The following NOS2 variants were observed in gnomAD, a reference collection of about 807,000 sequenced individuals.
NOS2 encodes the protein nitric oxide synthase 2, also known as nitric oxide synthase, inducible.
A neutral mutation model predicts 136.0 loss-of-function variants in NOS2; 96 were observed. The ratio of observed to expected loss-of-function variants is 0.71; its 90% CI spans 0.60 to 0.84. NOS2 has a LOEUF of 0.84. NOS2 is among the 40% of genes least tolerant of loss of function. The pLI, the probability that NOS2 is intolerant of heterozygous loss-of-function variation, is 0.00. For synonymous variants in NOS2, 539 were observed against 587.5 expected (o/e 0.92, Z 1.20); for missense variants, 1,237 against 1,496.9 (o/e 0.83, Z 2.87).
At position 27,778,950 on chromosome 17, in the gene NOS2, C is replaced by T. The variant is rs1908751866; in HGVS notation, c.1111G>A (p.Gly371Ser). ...GLEFPGCPFN[G>S]WYMGTEIGVR... ...CCGATCTCTGTGCCCATGTACCAGCCATTGAAGGGGCACCCTGGGAACTCC... is the reference window on the plus strand; with the variant it reads ...CCGATCTCTGTGCCCATGTACCAGCTATTGAAGGGGCACCCTGGGAACTCC... The change falls in exon 10 of 27, where the codon GGC (glycine) becomes AGC (serine). Residue 371 changes from glycine (G) to serine (S), a missense_variant. Physicochemically the swap from Gly to Ser is moderately conservative, Grantham distance 56. Around this residue, in one of 3 missense-constraint regions of NOS2, gnomAD observed 440 missense variants for 545.4 expected, o/e 0.81. Transcript: ENST00000313735. 2 of 1,612,838 alleles carry T rather than the reference C, an allele frequency of 1.2e-6. No homozygotes were observed. Among genetic ancestry groups the T allele is most frequent in the Non-Finnish European group, 1.7e-6 (2 of 1,179,216 alleles).
chr17:27,798,326 C>T (rs747957058), intron 2 of NOS2, among the ~76,000 whole-genome samples: 2 of 152,178 alleles, frequency 1.3e-5, no homozygotes, highest in East Asian at 1.9e-4. Context: ...ATCTAGCAAG[C>T]GGTGAATTGG....
At chr17:27,798,978 G>A (rs140000126) in intron 1 of NOS2, 96 bp from the exon 2 acceptor site, 26 of 601,036 alleles carry the variant, frequency 4.3e-5, no homozygotes, top group East Asian at 1.4e-4. Flanking sequence ...CGATATGAAC[G>A]CCAGCATGAG....
rs574240429 is a variant in NOS2, at chr17:27,767,952, G to A, written c.2035-115C>T. On this transcript the variant is annotated intron_variant, in intron 17 of 26. Coordinates refer to ENST00000313735, the MANE Select transcript of NOS2 (RefSeq NM_000625.4). ...GGCCAAACACTGAGCCGTGTGTTTC[G>A]TGTAACTTCGAAGCACACTTACCTG... is the stretch of plus-strand genomic sequence containing the variant. 139 of 1,357,656 alleles carry A rather than the reference G, an allele frequency of 1.0e-4. No homozygotes were observed. In the African/African-American group the frequency reaches 1.3e-3, roughly 12 times the overall value. The allele number at this position is 1,357,656 out of a possible 1,614,324, so 84.1% of individuals were successfully genotyped here. A position where few individuals can be genotyped will look rare whatever the true frequency, so the allele number is the denominator to read the frequency against.
chr17:27,792,694 G>A (rs192639739), intron 2 of NOS2, among the ~76,000 whole-genome samples: 2 of 151,976 alleles, frequency 1.3e-5, no homozygotes, highest in African/African-American at 4.8e-5. Flanking sequence ...AGAGAGTGCT[G>A]GCAGCTGGGC....
chr17:27,773,499 C>T (rs1238330354), intron 12 of NOS2, among the ~76,000 whole-genome samples: 1 of 152,226 alleles, frequency 6.6e-6, no homozygotes, highest in African/African-American at 2.4e-5. Context: ...TTAGTGTCCT[C>T]CTGGAAGGAA....
chr17:27,760,208 G>T (rs200380644), intron 24 of NOS2, 30 bp from the exon 25 acceptor site: 4 of 1,515,548 alleles, frequency 2.6e-6, no homozygotes, highest in African/African-American at 2.8e-5. Context: ...TTGTTACCAT[G>T]TTGGCCACCA....
chr17:27,768,346 C>T (rs952036422), intron 17 of NOS2, among the ~76,000 whole-genome samples: 1 of 152,166 alleles, frequency 6.6e-6, no homozygotes, highest in South Asian at 2.1e-4. Context: ...CCACTGTGCC[C>T]GACCACTATG....
At position 27,781,087 on chromosome 17, in the gene NOS2, C is replaced by G. The variant is rs773703571; in HGVS notation, c.813G>C (p.Gln271His). The change falls in exon 8 of 27, where the codon CAG (glutamine) becomes CAC (histidine). Residue 271 changes from glutamine to histidine, a missense_variant. By Grantham distance (24) the Gln-to-His change is conservative. Around this residue, in one of 3 missense-constraint regions of NOS2, gnomAD observed 440 missense variants for 545.4 expected, o/e 0.81. Transcript: ENST00000313735. Reference sequence around the variant, plus strand: ...CCCCTCTGATGCTGCCATCTGGCATCTGGTAGCCAGCATAGCGGATGAGCT... The same window carrying G: ...CCCCTCTGATGCTGCCATCTGGCATGTGGTAGCCAGCATAGCGGATGAGCT... Reference protein sequence around the residue: ...NAQLIRYAGYQMPDGSIRGDP... With the variant: ...NAQLIRYAGYHMPDGSIRGDP... 3.1e-6 allele frequency: 5 copies of G among 1,613,748 alleles called. No homozygotes were observed. In the East Asian group the frequency reaches 1.1e-4, roughly 36 times the overall value.
At position 27,769,534 on chromosome 17, in the gene NOS2, C is replaced by T. The variant is rs753528170; in HGVS notation, c.1859+1G>A. The T allele has an allele frequency of 1.2e-6, 2 of 1,613,216 alleles. No homozygotes were observed. The highest frequency in any genetic ancestry group is 2.2e-5 in the East Asian group (1 of 44,882). ...GAGTAGGACAACGGAAAAAGCTTTACCTGAATTTGTTGTTGAGCTCTTTCA... is the reference window on the plus strand; with the variant it reads ...GAGTAGGACAACGGAAAAAGCTTTATCTGAATTTGTTGTTGAGCTCTTTCA... On this transcript the variant is annotated splice_donor_variant, in intron 16 of 26. Transcript: ENST00000313735. LOFTEE classifies it high-confidence loss of function.
chr17:27,779,833 A>T (rs1271237767), intron 9 of NOS2, among the ~76,000 whole-genome samples: 1 of 152,234 alleles, frequency 6.6e-6, no homozygotes, highest in Non-Finnish European at 1.5e-5. Flanking sequence ...GAAACATAGC[A>T]TCAAATTCAT....
At chr17:27,781,272 T>A in intron 7 of NOS2, 95 bp from the exon 8 acceptor site, 2 of 1,383,000 alleles carry the variant, frequency 1.4e-6, no homozygotes, top group Non-Finnish European at 2.0e-6. Context: ...CCCTACCTGC[T>A]CTGCAGCCCC....
intron 2 of NOS2, among the ~76,000 whole-genome samples, chr17:27,796,874 G>A (rs538259979): frequency 6.6e-6 from 1 of 152,260 alleles, no homozygotes; most frequent in South Asian, 2.1e-4. Context: ...CTCACCTCTT[G>A]GTCTCTTAGC....
intron 15 of NOS2, 100 bp from the exon 16 acceptor site, chr17:27,769,684 C>A: frequency 9.9e-7 from 1 of 1,014,202 alleles, no homozygotes; most frequent in South Asian, 1.3e-5. Flanking sequence ...CAGGAGAAGG[C>A]TCACAGCCCA....
At chr17:27,797,190 A>G (rs1165547092) in intron 2 of NOS2, among the ~76,000 whole-genome samples, 1 of 152,118 alleles carries the variant, frequency 6.6e-6, no homozygotes, top group Admixed American at 6.5e-5. Context: ...CATTCTACCC[A>G]TACTTCAAAG....
Position 27,782,103 on chromosome 17 carries a change from AGACCTGCAACAGCC to A in NOS2, c.631-11_633del. On this transcript the variant is annotated splice_acceptor_variant and splice_polypyrimidine_tract_variant and coding_sequence_variant and intron_variant, in exon 7 of 27. Coordinates refer to ENST00000313735, the MANE Select transcript of NOS2 (RefSeq NM_000625.4). LOFTEE classifies it high-confidence loss of function. Reference sequence around the variant, plus strand: ...GCAGTGGAACAGCTGCGGGCATCGAAGACCTGCAACAGCCCATCCAGACCATGCCCATCAAAGAC... The same window carrying A: ...GCAGTGGAACAGCTGCGGGCATCGAACATCCAGACCATGCCCATCAAAGAC... 1 of 1,613,974 alleles carries A rather than the reference AGACCTGCAACAGCC, an allele frequency of 6.2e-7. No homozygotes were observed.
chr17:27,797,691 T>A (rs1043170457), intron 2 of NOS2, among the ~76,000 whole-genome samples: 6 of 152,142 alleles, frequency 3.9e-5, no homozygotes, highest in Admixed American at 2.0e-4. Context: ...TTGGTTTCAG[T>A]TGCACTATTG....
chr17:27,777,587 C>T (rs890931904), intron 11 of NOS2, among the ~76,000 whole-genome samples: 3 of 152,198 alleles, frequency 2.0e-5, no homozygotes, highest in Non-Finnish European at 4.4e-5. Flanking sequence ...CAGTTTGTGC[C>T]AGGCCAGATC....
intron 2 of NOS2, chr17:27,793,791 G>A (rs1909269152): frequency 2.6e-6 from 1 of 379,302 alleles, no homozygotes; most frequent in Non-Finnish European, 4.7e-6. Context: ...CGGGGGCGGG[G>A]CGAGCCGAGC....
intron 2 of NOS2, among the ~76,000 whole-genome samples, chr17:27,797,645 G>T (rs944328737): frequency 5.3e-5 from 8 of 152,254 alleles, no homozygotes; most frequent in Non-Finnish European, 7.3e-5. Context: ...CGGTGGGGTT[G>T]TGTGGCTATG....
Sources: allele counts gnomAD v4.1 joint callset (sites outside exome capture counted in the v4.1 genomes callset), GRCh38; gene constraint gnomAD v4.1.1; regional missense constraint gnomAD v4.1.1; transcripts MANE v1.5; gene names NCBI Gene and HGNC (gene_info 2026-07-23, HGNC 2026-07-21).